The following FNDC3A variants were observed in gnomAD, a reference collection of about 807,000 sequenced individuals.
FNDC3A encodes the protein fibronectin type III domain containing 3A.
Under a neutral mutation model 148.9 loss-of-function variants are expected in FNDC3A, and 32 were observed. The observed-to-expected ratio is 0.21, with a 90% CI of 0.16 to 0.29. The LOEUF (loss-of-function observed/expected upper bound fraction) is 0.29, where lower values mean the gene tolerates loss of function less well. Among genes scored for constraint, FNDC3A ranks in the 10% least tolerant of loss-of-function variants. The pLI is 1.00. For synonymous variants in FNDC3A, 472 were observed against 473.6 expected (o/e 1.00, Z 0.04); for missense variants, 1,191 against 1,452.8 (o/e 0.82, Z 2.93).
intron 2 of FNDC3A, among the ~76,000 whole-genome samples, chr13:49,063,434 T>C (rs1039762718): frequency 7.9e-5 from 12 of 152,142 alleles, no homozygotes; most frequent in African/African-American, 2.9e-4. Flanking sequence ...TTCATGGAAG[T>C]AGAGCTTATT....
chr13:49,199,184 C>A (rs1364505849), intron 23 of FNDC3A, among the ~76,000 whole-genome samples: 1 of 152,044 alleles, frequency 6.6e-6, no homozygotes, highest in Non-Finnish European at 1.5e-5. Flanking sequence ...CTACACCTGG[C>A]TAATTTTTGT....
intron 17 of FNDC3A, among the ~76,000 whole-genome samples, chr13:49,189,552 T>C (rs1272929928): frequency 6.6e-6 from 1 of 152,146 alleles, no homozygotes; most frequent in Non-Finnish European, 1.5e-5. Context: ...GCTGGGTTTT[T>C]TTTTTGAAAT....
chr13:49,122,347 C>G (rs758359664), intron 4 of FNDC3A, among the ~76,000 whole-genome samples: 1 of 152,048 alleles, frequency 6.6e-6, no homozygotes. Context: ...TGGAACATAT[C>G]TCAAAATAAT....
rs771932062 is a variant in FNDC3A at position 49,191,342 on chromosome 13, A to G, written c.2184A>G (p.Gly728=). 1 of 1,611,334 alleles carries G rather than the reference A, an allele frequency of 6.2e-7. No homozygotes were observed. Among genetic ancestry groups the G allele is most frequent in the Non-Finnish European group, 8.5e-7 (1 of 1,179,324 alleles). Residue 728 remains glycine, a synonymous_variant, in exon 19 of 26, where the codon GGA becomes GGG. Transcript: ENST00000492622. ...VECTVSSLLP[G]KTYSFRLRAA... ...GTACAGTGAGCAGCCTTCTTCCTGG[A>G]AAGACATACAGCTTCAGACTACGTG...
chr13:49,175,453 C>G lies in FNDC3A; in HGVS notation c.1442C>G (p.Thr481Ser). The part of the protein sequence containing the change: ...ASPVLTKAGI[T>S]WLSLQWSKPS... ...CCTGTATTAACCAAGGCTGGAATTA[C>G]TTGGTTATCCTTACAATGGAGTAAG... The change falls in exon 13 of 26, where the codon ACT (threonine) becomes AGT (serine). Residue 481 changes from threonine (T) to serine (S), a missense_variant. Physicochemically the swap from Thr to Ser is moderately conservative, Grantham distance 58. Coordinates refer to ENST00000492622, the MANE Select transcript of FNDC3A (RefSeq NM_001079673.2). 1 of 1,613,216 alleles carries G rather than the reference C, an allele frequency of 6.2e-7. No individual in the cohort carries two copies. Among genetic ancestry groups the G allele is most frequent in the African/African-American group, 1.3e-5 (1 of 75,002 alleles).
At chr13:49,092,600 C>T (rs1278506280) in intron 3 of FNDC3A, among the ~76,000 whole-genome samples, 1 of 152,122 alleles carries the variant, frequency 6.6e-6, no homozygotes, top group African/African-American at 2.4e-5. Context: ...CAGTATTAAT[C>T]ATCACACCGC....
intron 3 of FNDC3A, among the ~76,000 whole-genome samples, chr13:49,087,085 T>C (rs1358825458): frequency 6.6e-6 from 1 of 152,112 alleles, no homozygotes; most frequent in East Asian, 1.9e-4. Context: ...AAGGAAAATA[T>C]AGGGAAATTC....
intron 6 of FNDC3A, among the ~76,000 whole-genome samples, chr13:49,137,361 T>C (rs1422945562): frequency 1.3e-5 from 2 of 152,170 alleles, no homozygotes; most frequent in Non-Finnish European, 2.9e-5. Flanking sequence ...TTGTTTGTTT[T>C]TGAGACCAAG....
chr13:49,134,538 C>T (rs980313147), intron 5 of FNDC3A, among the ~76,000 whole-genome samples: 5 of 151,964 alleles, frequency 3.3e-5, no homozygotes, highest in African/African-American at 7.2e-5. Context: ...TCATTTCTTC[C>T]GGGTATGTGC....
chr13:49,058,839 C>A (rs1876446167), intron 2 of FNDC3A, among the ~76,000 whole-genome samples: 1 of 152,160 alleles, frequency 6.6e-6, no homozygotes, highest in Non-Finnish European at 1.5e-5. Flanking sequence ...ATATTTATTT[C>A]ACACCATTCA....
At chr13:49,191,726 AGTTTTTGAG>A (rs1308040771) in intron 19 of FNDC3A, among the ~76,000 whole-genome samples, 1 of 152,060 alleles carries the variant, frequency 6.6e-6, no homozygotes, top group Non-Finnish European at 1.5e-5. Flanking sequence ...GGCTGATTGA[AGTTTTTGAG>A]GTTTTTGAGG....
chr13:49,181,599 G>A (rs1885307816), intron 14 of FNDC3A, among the ~76,000 whole-genome samples: 1 of 152,158 alleles, frequency 6.6e-6, no homozygotes, highest in African/African-American at 2.4e-5. Flanking sequence ...CCATGTGCAG[G>A]GAACCCAGCT....
intron 4 of FNDC3A, 131 bp from the exon 5 acceptor site, chr13:49,131,006 T>C: frequency 1.5e-6 from 1 of 677,508 alleles, no homozygotes; most frequent in Non-Finnish European, 2.6e-6. Context: ...CCCTAGGTAA[T>C]CCACCTGCCT....
At chr13:49,195,229 G>A (rs1315039050) in intron 19 of FNDC3A, among the ~76,000 whole-genome samples, 1 of 152,150 alleles carries the variant, frequency 6.6e-6, no homozygotes, top group African/African-American at 2.4e-5. Context: ...AATCAGTGCT[G>A]TAAACAAAAG....
At chr13:49,197,655 G>C (rs1249752492) in intron 20 of FNDC3A, 70 bp from the exon 21 acceptor site, 1 of 1,340,762 alleles carries the variant, frequency 7.5e-7, no homozygotes, top group African/African-American at 1.5e-5. Context: ...CTCAGGTAAA[G>C]AGCATTTTTG....
intron 3 of FNDC3A, chr13:49,095,575 T>C (rs1879470937): frequency 6.6e-6 from 1 of 152,070 alleles, no homozygotes; most frequent in Non-Finnish European, 1.5e-5. Flanking sequence ...TATGAAAGAA[T>C]GTCTAGAAAG....
At position 49,008,361 on chromosome 13, in the gene FNDC3A, C is replaced by A. The variant is rs112703275; in HGVS notation, c.99+2072C>A. ...ACATTTCTTTGTCTTAACACAAGAA[C>A]TTATTGATACGCCAAGTTATAGCTT... On this transcript the variant is annotated intron_variant, in intron 2 of 25. Coordinates refer to ENST00000492622, the MANE Select transcript of FNDC3A (RefSeq NM_001079673.2). Among the ~76,000 whole-genome samples, 727 of 152,262 alleles carry A rather than the reference C, an allele frequency of 4.8e-3. 10 individuals are homozygous for A. Among genetic ancestry groups the A allele is most frequent in the African/African-American group, 0.017 (686 of 41,554 alleles).
chr13:49,180,292 A>T (rs1885239078), intron 14 of FNDC3A, among the ~76,000 whole-genome samples: 1 of 152,220 alleles, frequency 6.6e-6, no homozygotes, highest in Admixed American at 6.5e-5. Flanking sequence ...AGCCACTGTA[A>T]ATTGTTTTCA....
chr13:49,015,273 C>A (rs373754220), intron 2 of FNDC3A, among the ~76,000 whole-genome samples: 22 of 152,078 alleles, frequency 1.4e-4, no homozygotes, highest in South Asian at 1.2e-3. Context: ...CTTTTATCTC[C>A]TTGAGCAATG....
Sources: allele counts gnomAD v4.1 joint callset (sites outside exome capture counted in the v4.1 genomes callset), GRCh38; gene constraint gnomAD v4.1.1; transcripts MANE v1.5; gene names NCBI Gene and HGNC (gene_info 2026-07-23, HGNC 2026-07-21).